The following PCDH15 variants were observed in gnomAD, a reference collection of about 807,000 sequenced individuals.
PCDH15 encodes protocadherin related 15, also known as protocadherin-15.
Under a neutral mutation model 178.5 loss-of-function variants are expected in PCDH15, and 129 were observed. The ratio of observed to expected loss-of-function variants is 0.72; its 90% CI spans 0.63 to 0.84. The LOEUF is 0.84. Ranked by LOEUF, PCDH15 falls within the 40% of genes least tolerant of loss-of-function variation. The pLI is 0.00. For missense variants in PCDH15, 2,230 were observed against 2,099.9 expected (o/e 1.06, Z -1.21); for synonymous variants, 800 against 732.0 (o/e 1.09, Z -1.50).
At chr10:54,500,601 G>A (rs2080580262) in intron 3 of PCDH15, among the ~76,000 whole-genome samples, 1 of 152,114 alleles carries the variant, frequency 6.6e-6, no homozygotes, top group African/African-American at 2.4e-5. Flanking sequence ...AGGCTGAGGT[G>A]AGCAGATCAC....
intron 1 of PCDH15, among the ~76,000 whole-genome samples, chr10:55,254,094 A>G (rs1841922528): frequency 6.6e-6 from 1 of 152,188 alleles, no homozygotes; most frequent in African/African-American, 2.4e-5. Flanking sequence ...CGCATTTATT[A>G]CAGTTGTAAA....
chr10:55,190,065 A>C lies in PCDH15; in HGVS notation c.-155-23414T>G, dbSNP rs557268438. Among the ~76,000 whole-genome samples, 11 of 151,942 alleles carry C rather than the reference A, an allele frequency of 7.2e-5. No homozygotes were observed. In the South Asian group the frequency reaches 1.9e-3, roughly 26 times the overall value. Reference sequence around the variant, plus strand: ...CAAATCATGGTCTCTCTAAACCTGCATGAAATGAAAGAGCTACAGATACAC... The same window carrying C: ...CAAATCATGGTCTCTCTAAACCTGCCTGAAATGAAAGAGCTACAGATACAC... On this transcript the variant is annotated intron_variant, in intron 1 of 5. Transcript: ENST00000458638.
intron 21 of PCDH15, among the ~76,000 whole-genome samples, chr10:53,975,742 T>C (rs2090133263): frequency 6.6e-6 from 1 of 152,296 alleles, no homozygotes; most frequent in South Asian, 2.1e-4. Flanking sequence ...TTGTTGATAG[T>C]CTCTTCGCTG....
At chr10:54,798,668 G>C (rs1220865983) in intron 1 of PCDH15, among the ~76,000 whole-genome samples, 1 of 152,106 alleles carries the variant, frequency 6.6e-6, no homozygotes, top group South Asian at 2.1e-4. Context: ...TAATAAATAT[G>C]ATCATTTTAT....
intron 2 of PCDH15, among the ~76,000 whole-genome samples, chr10:54,572,380 T>C (rs990099399): frequency 3.9e-5 from 6 of 152,058 alleles, no homozygotes; most frequent in Non-Finnish European, 4.4e-5. Context: ...TGACTCCACC[T>C]TGAGTTTGCC....
intron 3 of PCDH15, among the ~76,000 whole-genome samples, chr10:54,820,221 C>T (rs893101831): frequency 6.6e-6 from 1 of 151,996 alleles, no homozygotes; most frequent in African/African-American, 2.4e-5. Flanking sequence ...CCTTTGCTTT[C>T]AGTCTCTGTA....
chr10:55,562,955 G>A (rs1842229833), intron 2 of PCDH15, among the ~76,000 whole-genome samples: 2 of 151,930 alleles, frequency 1.3e-5, no homozygotes, highest in Admixed American at 1.3e-4. Flanking sequence ...CAAATTCCAG[G>A]AGAAAGCATG....
chr10:55,405,655 T>G (rs2132029658), intron 2 of PCDH15, among the ~76,000 whole-genome samples: 1 of 151,912 alleles, frequency 6.6e-6, no homozygotes, highest in African/African-American at 2.4e-5. Flanking sequence ...ACTTCAGAAT[T>G]TATAAAGTAT....
chr10:53,876,715 A>G (rs933796296), intron 26 of PCDH15, among the ~76,000 whole-genome samples: 3 of 152,180 alleles, frequency 2.0e-5, no homozygotes, highest in Non-Finnish European at 4.4e-5. Context: ...AAGAATGTCA[A>G]ACAGTGACTA....
chr10:54,992,129 A>T (rs755161842), intron 2 of PCDH15, among the ~76,000 whole-genome samples: 1 of 152,076 alleles, frequency 6.6e-6, no homozygotes, highest in Non-Finnish European at 1.5e-5. Context: ...TATAATATAA[A>T]CCTCTTGAAG....
At chr10:54,057,123 G>A (rs182335283) in intron 18 of PCDH15, among the ~76,000 whole-genome samples, 5 of 151,606 alleles carry the variant, frequency 3.3e-5, no homozygotes, top group African/African-American at 4.8e-5. Flanking sequence ...TCATGGGCTG[G>A]TGTTGAGTGT....
Position 54,105,329 on chromosome 10 carries a change from T to C in PCDH15, c.1918-15266A>G, listed in dbSNP as rs200206407. Reference sequence around the variant, plus strand: ...ATATATATATATATACACACACACATACATATATATACACACACACACACA... The same window carrying C: ...ATATATATATATATACACACACACACACATATATATACACACACACACACA... On this transcript the variant is annotated intron_variant, in intron 15 of 37. Transcript: ENST00000644397. 7.5e-4 allele frequency among the ~76,000 whole-genome samples: 58 copies of C among 76,954 alleles called. 2 individuals are homozygous for C. The highest frequency in any genetic ancestry group is 7.4e-3 in the Middle Eastern group (1 of 136). 50.5% of individuals were successfully genotyped at this position (76,954 alleles called of 152,430 possible).
chr10:55,323,183 C>T (rs1843949330), upstream of PCDH15, among the ~76,000 whole-genome samples: 1 of 152,228 alleles, frequency 6.6e-6, no homozygotes, highest in Non-Finnish European at 1.5e-5. Flanking sequence ...GAACTTCCAT[C>T]TAGATTTCAG....
chr10:54,031,325 C>A (rs1028195738), intron 18 of PCDH15, among the ~76,000 whole-genome samples: 2 of 152,014 alleles, frequency 1.3e-5, no homozygotes, highest in Admixed American at 6.6e-5. Flanking sequence ...TGGGAAACCT[C>A]TTCTTTCCAT....
intron 3 of PCDH15, among the ~76,000 whole-genome samples, chr10:54,452,040 T>C (rs759499193): frequency 6.6e-6 from 1 of 151,986 alleles, no homozygotes; most frequent in Non-Finnish European, 1.5e-5. Context: ...CATTATAATA[T>C]ATATTTCGTA....
intron 11 of PCDH15, among the ~76,000 whole-genome samples, chr10:54,187,932 T>A (rs2133841578): frequency 6.6e-6 from 1 of 151,982 alleles, no homozygotes; most frequent in East Asian, 1.9e-4. Flanking sequence ...AGTGCAAGTT[T>A]CAAATGTTGT....
chr10:54,517,021 G>T (rs1197081796), intron 3 of PCDH15, among the ~76,000 whole-genome samples: 1 of 152,056 alleles, frequency 6.6e-6, no homozygotes, highest in Non-Finnish European at 1.5e-5. Context: ...GAGAGATTTT[G>T]TCACCACCAG....
At chr10:55,041,876 T>G (rs1840870591) in intron 2 of PCDH15, among the ~76,000 whole-genome samples, 2 of 152,158 alleles carry the variant, frequency 1.3e-5, no homozygotes, top group Non-Finnish European at 2.9e-5. Flanking sequence ...TAGTGAGCAC[T>G]CATTGCTTGG....
At chr10:55,267,127 G>A (rs1251368260) in intron 1 of PCDH15, among the ~76,000 whole-genome samples, 3 of 151,880 alleles carry the variant, frequency 2.0e-5, no homozygotes, top group Non-Finnish European at 2.9e-5. Flanking sequence ...GGAGGGGGAG[G>A]GTAGGAGAAG....
Sources: allele counts gnomAD v4.1 joint callset (sites outside exome capture counted in the v4.1 genomes callset), GRCh38; gene constraint gnomAD v4.1.1; transcripts MANE v1.5; gene names NCBI Gene and HGNC (gene_info 2026-07-23, HGNC 2026-07-21).